Variants in TTC7B observed in about 807,000 individuals in gnomAD.
The protein encoded by TTC7B is tetratricopeptide repeat domain 7B, also known as tetratricopeptide repeat protein 7B.
A neutral mutation model predicts 106.8 loss-of-function variants in TTC7B; 28 were observed. That is an observed-to-expected ratio of 0.26 (90% confidence interval 0.19 to 0.36). The LOEUF is 0.36. Ranked by LOEUF, TTC7B falls within the 10% of genes least tolerant of loss-of-function variation. The pLI, the probability that TTC7B is intolerant of heterozygous loss-of-function variation, is 1.00. For missense variants in TTC7B, 862 were observed against 1,076.4 expected, an observed-to-expected ratio of 0.80 and a Z score of 2.79; for synonymous variants, 405 against 430.6, an observed-to-expected ratio of 0.94 and a Z score of 0.74.
At position 90,525,772 on chromosome 14, in the gene TTC7B, C is replaced by G. The variant is rs1023484614; in HGVS notation, c.*15596G>C. On this transcript the variant is annotated 3_prime_UTR_variant, in exon 20 of 20. Coordinates refer to ENST00000328459, the MANE Select transcript of TTC7B (RefSeq NM_001010854.2). The stretch of plus-strand genomic sequence containing the variant: ...AAGAATAAAACCCAACGACAAAGGC[C>G]CTCTCTAACCCGAGTACACCGGCCT... 3.4e-5 allele frequency: 5 copies of G among 147,310 alleles called. No homozygotes were observed. The highest frequency in any genetic ancestry group is 1.3e-4 in the African/African-American group (5 of 39,800). 9.1% of individuals were successfully genotyped at this position (147,310 alleles called of 1,614,324 possible). A position where few individuals can be genotyped will look rare whatever the true frequency, so the allele number is the denominator to read the frequency against.
intron 9 of TTC7B, among the ~76,000 whole-genome samples, chr14:90,667,234 G>C (rs1467166926): frequency 6.6e-6 from 1 of 152,188 alleles, no homozygotes; most frequent in Non-Finnish European, 1.5e-5. Flanking sequence ...TTGAATGAAG[G>C]CTGGACAGAG....
At chr14:90,545,906 C>T (rs900611618) in intron 19 of TTC7B, among the ~76,000 whole-genome samples, 2 of 152,078 alleles carry the variant, frequency 1.3e-5, no homozygotes, top group East Asian at 1.9e-4. Context: ...GCCCATATAC[C>T]TGGACTTGTA....
chr14:90,748,075 T>C (rs1890025075), intron 3 of TTC7B, among the ~76,000 whole-genome samples: 1 of 152,228 alleles, frequency 6.6e-6, no homozygotes, highest in East Asian at 1.9e-4. Flanking sequence ...TTTTTTCCAA[T>C]CTGACAATCT....
In TTC7B at chr14:90,615,616, G is replaced by A. The variant is rs538306483; in HGVS notation, c.1868+2313C>T. Reference sequence around the variant, plus strand: ...AGCCACTGCGGCCCCACTCGGGAGTGTTGCAAGGTGTGCTGTCCCCTGAAA... The same window carrying A: ...AGCCACTGCGGCCCCACTCGGGAGTATTGCAAGGTGTGCTGTCCCCTGAAA... On this transcript the variant is annotated intron_variant, in intron 16 of 19. Transcript: ENST00000328459. Among the ~76,000 whole-genome samples, 31 of 152,370 alleles carry A rather than the reference G, an allele frequency of 2.0e-4. 2 individuals are homozygous for A. In the South Asian group the frequency reaches 6.0e-3, roughly 30 times the overall value.
At chr14:90,704,202 A>G (rs1392851634) in intron 5 of TTC7B, among the ~76,000 whole-genome samples, 1 of 152,222 alleles carries the variant, frequency 6.6e-6, no homozygotes, top group African/African-American at 2.4e-5. Flanking sequence ...ACCAGCTGCT[A>G]CGTCCCACCA....
At chr14:90,558,242 G>A (rs1161295332) in intron 19 of TTC7B, among the ~76,000 whole-genome samples, 5 of 152,380 alleles carry the variant, frequency 3.3e-5, no homozygotes, top group East Asian at 1.9e-4. Flanking sequence ...GACCCTGGCC[G>A]TGAAGTCCAC....
rs1885980813 is a variant in TTC7B at position 90,657,130 on chromosome 14, C to T, written c.1341+44G>A. ...CATGAAAAAAATGGGCAGTCCTGGC[C>T]CAGAGTCCTCTGCAGGAGCGGGGAG... On this transcript the variant is annotated intron_variant, in intron 11 of 19. Transcript: ENST00000328459. This position sits in a 1 kb window ranked among gnomAD's most constrained non-coding sequence, Gnocchi z 4.2. 1.3e-6 allele frequency: 2 copies of T among 1,552,090 alleles called. No individual in the cohort carries two copies. The highest frequency in any genetic ancestry group is 1.8e-6 in the Non-Finnish European group (2 of 1,127,416).
At chr14:90,731,754 C>G (rs1889339331) in intron 4 of TTC7B, among the ~76,000 whole-genome samples, 1 of 152,178 alleles carries the variant, frequency 6.6e-6, no homozygotes, top group Non-Finnish European at 1.5e-5. Flanking sequence ...TCTCTTAGGT[C>G]TCTTGAGATG....
intron 2 of TTC7B, among the ~76,000 whole-genome samples, chr14:90,785,269 T>A (rs1417188705): frequency 6.6e-6 from 1 of 150,740 alleles, no homozygotes; most frequent in Non-Finnish European, 1.5e-5. Context: ...CAAACAAGAA[T>A]AAAGACCAAA....
At chr14:90,816,005 G>A (rs2031157907) in intron 1 of TTC7B, among the ~76,000 whole-genome samples, 170 bp downstream of exon 1, 1 of 150,992 alleles carries the variant, frequency 6.6e-6, no homozygotes, top group Admixed American at 6.6e-5. Context: ...TGACTCCGGG[G>A]CACCCGGGCT....
intron 3 of TTC7B, among the ~76,000 whole-genome samples, chr14:90,771,376 G>A (rs10142369): frequency 0.28 from 42,054 of 151,950 alleles, 9,643 homozygotes; most frequent in African/African-American, 0.64. Flanking sequence ...CGGGAGGCTC[G>A]CTTAAGCCCA....
At chr14:90,645,642 T>G (rs1885412904) in intron 14 of TTC7B, among the ~76,000 whole-genome samples, 1 of 152,166 alleles carries the variant, frequency 6.6e-6, no homozygotes, top group African/African-American at 2.4e-5. Flanking sequence ...AACCTGGTAT[T>G]GATGGGTGGG....
chr14:90,615,357 G>A (rs76422191), intron 16 of TTC7B, among the ~76,000 whole-genome samples: 2,507 of 152,272 alleles, frequency 0.016, 63 homozygotes, highest in African/African-American at 0.058. Context: ...GGGAAGACTG[G>A]GAAACTGGCA....
intron 15 of TTC7B, among the ~76,000 whole-genome samples, chr14:90,619,844 C>T (rs1431417728): frequency 6.6e-6 from 1 of 152,180 alleles, no homozygotes; most frequent in Non-Finnish European, 1.5e-5. Flanking sequence ...GTTTGATGGG[C>T]CTTAAATCAG....
At chr14:90,755,059 G>A (rs1327745302) in intron 3 of TTC7B, among the ~76,000 whole-genome samples, 6 of 152,058 alleles carry the variant, frequency 3.9e-5, no homozygotes, top group South Asian at 4.2e-4. Flanking sequence ...TTCTATTGCC[G>A]AATAATATTC....
intron 18 of TTC7B, among the ~76,000 whole-genome samples, chr14:90,581,024 G>C (rs532962727): frequency 1.3e-5 from 2 of 152,090 alleles, no homozygotes; most frequent in African/African-American, 2.4e-5. Context: ...TTGTACCAAC[G>C]ACTGACTCCC....
rs1262326628 is a variant in TTC7B at position 90,600,419 on chromosome 14, C to T, written c.1967-6793G>A. ...CGGGGCCGCTGCCCACCCAGTCCCA[C>T]CAACCATGAGGGCTCCTGCTGTGGG... On this transcript the variant is annotated intron_variant, in intron 17 of 19. Transcript: ENST00000328459. This position sits in a 1 kb window ranked among gnomAD's most constrained non-coding sequence, Gnocchi z 4.3. 1.3e-5 allele frequency among the ~76,000 whole-genome samples: 2 copies of T among 152,202 alleles called. No homozygotes were observed. Among genetic ancestry groups the T allele is most frequent in the African/African-American group, 2.4e-5 (1 of 41,454 alleles).
At chr14:90,778,475 C>A (rs1329493015) in intron 3 of TTC7B, among the ~76,000 whole-genome samples, 1 of 152,210 alleles carries the variant, frequency 6.6e-6, no homozygotes, top group Non-Finnish European at 1.5e-5. Context: ...CCAAAGCCAC[C>A]TCCCACCCCC....
rs10133223 is a variant in TTC7B, at chr14:90,525,357, A to G, written c.*16011T>C. 202 of 152,354 alleles carry G rather than the reference A, an allele frequency of 1.3e-3. 1 individual carries two copies. The highest frequency in any genetic ancestry group is 4.6e-3 in the African/African-American group (193 of 41,578). The allele number at this position is 152,354 out of a possible 1,614,324, so 9.4% of individuals were successfully genotyped here. On this transcript the variant is annotated 3_prime_UTR_variant, in exon 20 of 20. Transcript: ENST00000328459. Reference sequence around the variant, plus strand: ...TTTGGATTGTGATCAGTTTTTGGCTATTACAAATAAAGCTGCTATAAACAT... The same window carrying G: ...TTTGGATTGTGATCAGTTTTTGGCTGTTACAAATAAAGCTGCTATAAACAT...
Sources: allele counts gnomAD v4.1 joint callset (sites outside exome capture counted in the v4.1 genomes callset), GRCh38; gene constraint gnomAD v4.1.1; non-coding constraint Gnocchi (gnomAD v3.1); transcripts MANE v1.5; gene names NCBI Gene and HGNC (gene_info 2026-07-23, HGNC 2026-07-21).